CHCHD6: variants seen among roughly 807,000 people sequenced by gnomAD.
The protein encoded by CHCHD6 is MICOS complex subunit MIC25.
A neutral mutation model predicts 32.3 loss-of-function variants in CHCHD6; 28 were observed. The ratio of observed to expected loss-of-function variants is 0.87; its 90% CI spans 0.64 to 1.19. The LOEUF is 1.19. Among genes scored for constraint, CHCHD6 ranks in the 50% most tolerant of loss-of-function variants. CHCHD6 has a pLI of 0.00. For synonymous variants in CHCHD6, 122 were observed against 117.5 expected, an observed-to-expected ratio of 1.04 and a Z score of -0.25; for missense variants, 333 against 307.0, an observed-to-expected ratio of 1.08 and a Z score of -0.63.
At chr3:126,957,970 G>A (rs570937807) in intron 7 of CHCHD6, 85 of 316,914 alleles carry the variant, frequency 2.7e-4, no homozygotes, top group Non-Finnish European at 4.7e-4. Context: ...AGGAGTGGGA[G>A]CAGATGTGGC....
At chr3:126,751,048 G>T (rs1357979086) in intron 4 of CHCHD6, among the ~76,000 whole-genome samples, 2 of 152,118 alleles carry the variant, frequency 1.3e-5, no homozygotes, top group African/African-American at 4.8e-5. Context: ...CATCTTTCTT[G>T]CTCTCTGGCT....
intron 4 of CHCHD6, among the ~76,000 whole-genome samples, chr3:126,774,874 G>C (rs1000480300): frequency 6.6e-6 from 1 of 152,214 alleles, no homozygotes; most frequent in Non-Finnish European, 1.5e-5. Context: ...TGGCTAGAAA[G>C]AGCTGGCTTT....
At chr3:126,895,518 A>G (rs2077825782) in intron 5 of CHCHD6, among the ~76,000 whole-genome samples, 1 of 152,206 alleles carries the variant, frequency 6.6e-6, no homozygotes, top group Admixed American at 6.5e-5. Context: ...TTGGGTGGAA[A>G]TGTCATTTGG....
intron 4 of CHCHD6, among the ~76,000 whole-genome samples, chr3:126,847,658 C>T (rs150280204): frequency 0.012 from 1,815 of 152,266 alleles, 20 homozygotes; most frequent in Middle Eastern, 0.048. Context: ...AGGCCCCCTT[C>T]GTGTGCTTTT....
chr3:126,940,179 A>C (rs1340941468), intron 6 of CHCHD6, among the ~76,000 whole-genome samples: 1 of 152,246 alleles, frequency 6.6e-6, no homozygotes, highest in Non-Finnish European at 1.5e-5. Flanking sequence ...ATCAAACAAT[A>C]CAGAAAAATG....
chr3:126,790,641 A>C (rs529001503), intron 4 of CHCHD6, among the ~76,000 whole-genome samples: 1 of 152,118 alleles, frequency 6.6e-6, no homozygotes, highest in Non-Finnish European at 1.5e-5. Flanking sequence ...TGCATTCGTC[A>C]TGTAGTTCTT....
intron 5 of CHCHD6, among the ~76,000 whole-genome samples, chr3:126,883,184 C>A (rs534587466): frequency 6.6e-6 from 1 of 152,312 alleles, no homozygotes; most frequent in South Asian, 2.1e-4. Context: ...TTCCCCATAC[C>A]TCCCTACAGG....
intron 5 of CHCHD6, among the ~76,000 whole-genome samples, chr3:126,881,034 A>T (rs923516256): frequency 1.3e-5 from 2 of 152,244 alleles, no homozygotes; most frequent in Non-Finnish European, 2.9e-5. Flanking sequence ...TCAGATTCTA[A>T]ATGGGCAGAG....
intron 4 of CHCHD6, among the ~76,000 whole-genome samples, chr3:126,835,018 A>G (rs897675171): frequency 6.6e-6 from 1 of 151,998 alleles, no homozygotes; most frequent in East Asian, 1.9e-4. Context: ...AGGTCAAGGA[A>G]AAGTGTTTTT....
At chr3:126,714,607 A>G (rs954051028) in intron 1 of CHCHD6, among the ~76,000 whole-genome samples, 1 of 152,152 alleles carries the variant, frequency 6.6e-6, no homozygotes, top group African/African-American at 2.4e-5. Context: ...GCCTCCTGGA[A>G]GCCTGTCCTT....
At chr3:126,863,542 T>TCTA (rs1942057751) in intron 5 of CHCHD6, among the ~76,000 whole-genome samples, 2 of 111,372 alleles carry the variant, frequency 1.8e-5, no homozygotes, top group Admixed American at 8.4e-5. Flanking sequence ...CTCCTCCTCC[T>TCTA]CCACCATCAC....
chr3:126,712,400 C>T (rs1463710536), intron 1 of CHCHD6, among the ~76,000 whole-genome samples: 1 of 152,120 alleles, frequency 6.6e-6, no homozygotes, highest in African/African-American at 2.4e-5. Context: ...CATTACATTC[C>T]TCCTTTCTTG....
chr3:126,777,943 C>T (rs1937729151), intron 4 of CHCHD6, among the ~76,000 whole-genome samples: 1 of 152,168 alleles, frequency 6.6e-6, no homozygotes, highest in Non-Finnish European at 1.5e-5. Context: ...TCCCACAACC[C>T]TTAGTCCCAG....
At position 126,782,193 on chromosome 3, in the gene CHCHD6, A is replaced by AC. The variant is rs141364339; in HGVS notation, c.411+48974dup. 9.9e-4 allele frequency among the ~76,000 whole-genome samples: 151 copies of AC among 152,340 alleles called. 2 individuals carry two copies. The East Asian group carries it at 0.024, about 25-fold the overall frequency. On this transcript the variant is annotated intron_variant, in intron 4 of 7. Coordinates refer to ENST00000290913, the MANE Select transcript of CHCHD6 (RefSeq NM_032343.3). ...AATTGTAATTATGTCACTCACCAGA[A>AC]CCCGTGAACATTAATTCTCGATTTA...
Position 126,838,605 on chromosome 3 carries a change from T to G in CHCHD6, c.412-14042T>G, listed in dbSNP as rs565391798. On this transcript the variant is annotated intron_variant, in intron 4 of 7. Coordinates refer to ENST00000290913, the MANE Select transcript of CHCHD6 (RefSeq NM_032343.3). ...ATGGTGTGCACCTGTCCAAGCTGGC[T>G]TATGGAAGGAAGGGAGGGACGGATT... 6.6e-5 allele frequency among the ~76,000 whole-genome samples: 10 copies of G among 152,324 alleles called. No homozygotes were observed. The South Asian group carries it at 2.1e-3, about 32-fold the overall frequency.
At chr3:126,830,072 T>C (rs1940572788) in intron 4 of CHCHD6, among the ~76,000 whole-genome samples, 1 of 152,156 alleles carries the variant, frequency 6.6e-6, no homozygotes, top group Non-Finnish European at 1.5e-5. Context: ...CACTCCAGCT[T>C]GGGCCACAGA....
intron 6 of CHCHD6, among the ~76,000 whole-genome samples, chr3:126,927,063 G>A (rs1318333650): frequency 1.3e-5 from 2 of 152,138 alleles, no homozygotes; most frequent in African/African-American, 4.8e-5. Context: ...GTCCATCTGA[G>A]GATCAGGGTG....
rs757933210 is a variant in CHCHD6, at chr3:126,733,061, A to C, written c.267-17A>C. On this transcript the variant is annotated splice_polypyrimidine_tract_variant and intron_variant, in intron 3 of 7. Transcript: ENST00000290913. ...ATGCCATCCACATCTGTTTCTCCTC[A>C]TGTTTCTTCTGCACAGGTATGAACA... 1 of 1,612,456 alleles carries C rather than the reference A, an allele frequency of 6.2e-7. No individual in the cohort carries two copies. Among genetic ancestry groups the C allele is most frequent in the Admixed American group, 1.7e-5 (1 of 59,984 alleles).
chr3:126,704,324 G>A lies in CHCHD6; in HGVS notation c.12G>A (p.Thr4=), dbSNP rs148129437. 6.2e-7 allele frequency: 1 copy of A among 1,603,848 alleles called. No individual in the cohort carries two copies. Among genetic ancestry groups the A allele is most frequent in the South Asian group, 1.1e-5 (1 of 89,760 alleles). MGS[T]ESSEGRRVSF... ...TGCGGCATCTCGCCATGGGGAGCAC[G>A]GAGAGCAGCGAGGGCCGCAGGGTGT... Residue 4 remains threonine, a synonymous_variant, in exon 1 of 8, where the codon ACG becomes ACA. Transcript: ENST00000290913.
Sources: gnomAD v4.1 joint callset for allele counts (sites outside exome capture counted in the v4.1 genomes callset) on GRCh38, gnomAD v4.1.1 for gene constraint, MANE v1.5 for transcripts, NCBI Gene and HGNC (gene_info 2026-07-23, HGNC 2026-07-21) for gene names.